Variants in NALF1 observed in about 807,000 individuals in gnomAD.
NALF1 encodes NALCN channel auxiliary factor 1.
In NALF1, 3 loss-of-function variants were observed where a neutral mutation model predicts 48.4. That is an observed-to-expected ratio of 0.06 (90% CI 0.03 to 0.16). The LOEUF (loss-of-function observed/expected upper bound fraction) is 0.16. Ranked by LOEUF, NALF1 falls within the 10% of genes least tolerant of loss-of-function variation. The pLI is 1.00. For missense variants in NALF1, 526 were observed against 571.5 expected (o/e 0.92, Z 0.81); for synonymous variants, 262 against 245.7 (o/e 1.07, Z -0.62).
intron 1 of NALF1, among the ~76,000 whole-genome samples, chr13:107,503,115 C>A (rs988521365): frequency 3.3e-5 from 5 of 152,162 alleles, no homozygotes; most frequent in Non-Finnish European, 7.3e-5. Flanking sequence ...CATCTCCAGG[C>A]TTAGATTCAT....
chr13:107,457,204 T>G lies in NALF1; in HGVS notation c.916-246449A>C, dbSNP rs928722654. ...TAGTTTATGGTATGATTTAAAGTTT[T>G]TACTTTAAATCACAAATGGTAATAG... On this transcript the variant is annotated intron_variant, in intron 1 of 2. Transcript: ENST00000375915. 2.0e-5 allele frequency among the ~76,000 whole-genome samples: 3 copies of G among 152,268 alleles called. No homozygotes were observed. In the East Asian group the frequency reaches 5.8e-4, roughly 29 times the overall value.
At chr13:107,640,938 A>G (rs1246184503) in intron 1 of NALF1, among the ~76,000 whole-genome samples, 3 of 152,200 alleles carry the variant, frequency 2.0e-5, no homozygotes, top group African/African-American at 7.2e-5. Flanking sequence ...CTTGGTATAC[A>G]CACAAAATAA....
intron 1 of NALF1, among the ~76,000 whole-genome samples, chr13:107,221,905 T>C (rs981436063): frequency 6.6e-6 from 1 of 152,232 alleles, no homozygotes; most frequent in Non-Finnish European, 1.5e-5. Context: ...ATATCTTTTC[T>C]GGGGTTAAGC....
chr13:107,231,058 C>CAAAAA (rs3072074), intron 1 of NALF1, among the ~76,000 whole-genome samples: 6 of 83,568 alleles, frequency 7.2e-5, no homozygotes, highest in Non-Finnish European at 9.3e-5. Context: ...AAGACCCGGC[C>CAAAAA]AAAAAAAAAA....
At chr13:107,460,017 T>C (rs1459725677) in intron 1 of NALF1, among the ~76,000 whole-genome samples, 1 of 152,220 alleles carries the variant, frequency 6.6e-6, no homozygotes, top group Non-Finnish European at 1.5e-5. Context: ...GCTGGGATTA[T>C]AGGCATGAGC....
intron 1 of NALF1, among the ~76,000 whole-genome samples, chr13:107,726,634 G>A (rs1033437718): frequency 7.2e-6 from 1 of 139,214 alleles, no homozygotes; most frequent in African/African-American, 2.7e-5. Flanking sequence ...TTTCCAGATG[G>A]AGTCTCACTC....
chr13:107,189,614 C>T (rs1879241627), intron 2 of NALF1, among the ~76,000 whole-genome samples: 1 of 152,166 alleles, frequency 6.6e-6, no homozygotes, highest in Non-Finnish European at 1.5e-5. Context: ...GATTGAATGA[C>T]TTGTGTCTTT....
chr13:107,865,238 T>A (rs1880677696), intron 1 of NALF1, among the ~76,000 whole-genome samples: 1 of 152,244 alleles, frequency 6.6e-6, no homozygotes, highest in African/African-American at 2.4e-5. Context: ...GATGTCACTA[T>A]GAGAGCGTTC....
At chr13:107,748,636 A>T (rs1335776271) in intron 1 of NALF1, among the ~76,000 whole-genome samples, 1 of 152,222 alleles carries the variant, frequency 6.6e-6, no homozygotes, top group Non-Finnish European at 1.5e-5. Context: ...TTAGTCAACA[A>T]TATATTTTGA....
chr13:107,661,312 A>G (rs1880729901), intron 1 of NALF1, among the ~76,000 whole-genome samples: 1 of 152,232 alleles, frequency 6.6e-6, no homozygotes, highest in African/African-American at 2.4e-5. Context: ...TGGCAAATAC[A>G]TTAAACTAGG....
At chr13:107,365,951 G>T (rs1883145195) in intron 1 of NALF1, among the ~76,000 whole-genome samples, 1 of 152,200 alleles carries the variant, frequency 6.6e-6, no homozygotes, top group Non-Finnish European at 1.5e-5. Context: ...CAATTAGCAA[G>T]CAACAGTGAG....
chr13:107,482,999 C>A (rs1049588433), intron 1 of NALF1, among the ~76,000 whole-genome samples: 1 of 152,110 alleles, frequency 6.6e-6, no homozygotes, highest in African/African-American at 2.4e-5. Flanking sequence ...CCCAGAATGA[C>A]GCAGCCCTGG....
intron 1 of NALF1, among the ~76,000 whole-genome samples, chr13:107,688,169 C>G (rs912790999): frequency 1.1e-4 from 17 of 152,250 alleles, no homozygotes; most frequent in South Asian, 2.1e-4. Context: ...AATCTAATGA[C>G]ACAGGCACTG....
chr13:107,566,654 C>T (rs369827778), intron 1 of NALF1, among the ~76,000 whole-genome samples: 26 of 152,316 alleles, frequency 1.7e-4, no homozygotes, highest in Admixed American at 6.5e-4. Context: ...TCAGAATGTG[C>T]TTTAAATATG....
At chr13:107,378,597 A>G (rs1883379887) in intron 1 of NALF1, among the ~76,000 whole-genome samples, 2 of 152,212 alleles carry the variant, frequency 1.3e-5, no homozygotes, top group South Asian at 2.1e-4. Context: ...AGCCATAAAT[A>G]CTATGAGATT....
intron 1 of NALF1, among the ~76,000 whole-genome samples, chr13:107,642,470 T>C (rs1332082742): frequency 1.3e-5 from 2 of 152,196 alleles, no homozygotes; most frequent in Non-Finnish European, 2.9e-5. Flanking sequence ...ATATAAGATG[T>C]TAATCATTGC....
rs144669266 is a variant in NALF1, at chr13:107,353,083, G to A, written c.916-142328C>T. Among the ~76,000 whole-genome samples the A allele has an allele frequency of 2.9e-3, 447 of 152,034 alleles. 1 individual carries two copies. Among genetic ancestry groups the A allele is most frequent in the African/African-American group, 0.01 (429 of 41,480 alleles). ...CTCACCTTCCTTCTGCCTCCTGACT[G>A]TTCACTCTCCCTCCTGATTTACCAC... On this transcript the variant is annotated intron_variant, in intron 1 of 2. Transcript: ENST00000375915.
intron 1 of NALF1, among the ~76,000 whole-genome samples, chr13:107,840,771 C>T (rs1880024455): frequency 6.6e-6 from 1 of 152,168 alleles, no homozygotes; most frequent in South Asian, 2.1e-4. Flanking sequence ...TCAAACCCAT[C>T]AGACACAGTA....
intron 1 of NALF1, among the ~76,000 whole-genome samples, chr13:107,254,062 A>AAAAAAAAAAAT: frequency 7.2e-6 from 1 of 138,582 alleles, no homozygotes; most frequent in African/African-American, 2.7e-5. Context: ...CAAGTACTAA[A>AAAAAAAAAAAT]ATATATATAT....
Sources: gnomAD v4.1 joint callset for allele counts (sites outside exome capture counted in the v4.1 genomes callset) on GRCh38, gnomAD v4.1.1 for gene constraint, MANE v1.5 for transcripts, NCBI Gene and HGNC (gene_info 2026-07-23, HGNC 2026-07-21) for gene names.